Variants in USP10 observed in about 807,000 individuals in gnomAD.
The protein encoded by USP10 is ubiquitin carboxyl-terminal hydrolase 10.
A neutral mutation model predicts 84.5 loss-of-function variants in USP10; 22 were observed. The observed-to-expected ratio is 0.26, with a 90% confidence interval of 0.19 to 0.37. The LOEUF is 0.37. Ranked by LOEUF, USP10 falls within the 10% of genes least tolerant of loss-of-function variation. USP10 has a pLI of 1.00. For synonymous variants in USP10, 454 were observed against 387.6 expected, an observed-to-expected ratio of 1.17 and a Z score of -2.01; for missense variants, 1,019 against 998.9, an observed-to-expected ratio of 1.02 and a Z score of -0.27.
intron 13 of USP10, 92 bp from the exon 14 acceptor site, chr16:84,778,803 A>G: frequency 7.9e-7 from 1 of 1,266,782 alleles, no homozygotes; most frequent in Non-Finnish European, 1.1e-6. Context: ...TTTTACACAT[A>G]GGATGCATCC....
Position 84,778,830 on chromosome 16 carries a change from G to A in USP10, c.2210-65G>A, listed in dbSNP as rs548320909. 9.9e-5 allele frequency: 148 copies of A among 1,491,566 alleles called. 1 individual carries two copies. The South Asian group carries it at 1.4e-3, about 14-fold the overall frequency. The allele number at this position is 1,491,566 out of a possible 1,614,324, so 92.4% of individuals were successfully genotyped here. On this transcript the variant is annotated intron_variant, in intron 13 of 13. Transcript: ENST00000219473. ...GATGCATCCCTGGAGGGAAGTCGGCGGAGACCTGTAATGATTCGTGTGCAG... is the reference window on the plus strand; with the variant it reads ...GATGCATCCCTGGAGGGAAGTCGGCAGAGACCTGTAATGATTCGTGTGCAG...
intron 3 of USP10, among the ~76,000 whole-genome samples, chr16:84,741,216 C>T (rs768071505): frequency 7.2e-5 from 11 of 152,220 alleles, no homozygotes; most frequent in Admixed American, 2.0e-4. Flanking sequence ...TCTCCAGTAA[C>T]ATCAGGGAGT....
chr16:84,706,299 C>T (rs998845791), intron 1 of USP10, among the ~76,000 whole-genome samples: 2 of 151,924 alleles, frequency 1.3e-5, no homozygotes, highest in Non-Finnish European at 2.9e-5. Flanking sequence ...TTTCGAGATT[C>T]CTGCCCAATA....
At chr16:84,747,590 T>C (rs1911389018) in intron 4 of USP10, among the ~76,000 whole-genome samples, 1 of 121,572 alleles carries the variant, frequency 8.2e-6, no homozygotes, top group African/African-American at 3.0e-5. Context: ...TGAGATGCAG[T>C]CTCACTCTGT....
At chr16:84,776,028 T>C (rs1914976019) in intron 13 of USP10, among the ~76,000 whole-genome samples, 1 of 152,204 alleles carries the variant, frequency 6.6e-6, no homozygotes, top group South Asian at 2.1e-4. Context: ...AACCTGTTTG[T>C]ATCGTAACAT....
rs774556143 is a variant in USP10 at position 84,758,839 on chromosome 16, G to C, written c.1284+32G>C. 1.2e-5 allele frequency: 18 copies of C among 1,486,370 alleles called. No individual in the cohort carries two copies. The East Asian group carries it at 2.3e-4, about 19-fold the overall frequency. 92.1% of individuals were successfully genotyped at this position (1,486,370 alleles called of 1,614,324 possible). On this transcript the variant is annotated intron_variant, in intron 5 of 13. Transcript: ENST00000219473. ...TTCCTGGACGCCGTCCGCAAGGCCA[G>C]CTTGTTGCAGCTGTCCCTCCTTTGG...
intron 12 of USP10, among the ~76,000 whole-genome samples, chr16:84,774,618 G>C (rs545105169): frequency 7.8e-4 from 118 of 152,042 alleles, no homozygotes; most frequent in African/African-American, 2.7e-3. Context: ...CTACAGCCGC[G>C]TGCCACCACG....
chr16:84,742,307 T>C (rs942700647), intron 3 of USP10, among the ~76,000 whole-genome samples: 1 of 152,222 alleles, frequency 6.6e-6, no homozygotes, highest in Non-Finnish European at 1.5e-5. Context: ...TAGTTTCTGA[T>C]AGAAGTTGAT....
At position 84,763,098 on chromosome 16, in the gene USP10, G is replaced by A. The variant is rs1913398156; in HGVS notation, c.1654+10G>A. On this transcript the variant is annotated intron_variant, in intron 9 of 13. Coordinates refer to ENST00000219473, the MANE Select transcript of USP10 (RefSeq NM_005153.3). ...TCACCAAGTAATGAAAGTAGGTTATGGTCCACTTGCCGCAGAGTTGTGCAA... is the reference window on the plus strand; with the variant it reads ...TCACCAAGTAATGAAAGTAGGTTATAGTCCACTTGCCGCAGAGTTGTGCAA... 2 of 1,586,378 alleles carry A rather than the reference G, an allele frequency of 1.3e-6. No homozygotes were observed. The highest frequency in any genetic ancestry group is 1.7e-6 in the Non-Finnish European group (2 of 1,156,102).
intron 10 of USP10, among the ~76,000 whole-genome samples, chr16:84,767,117 G>A (rs77666703): frequency 0.012 from 1,837 of 152,126 alleles, 31 homozygotes; most frequent in African/African-American, 0.041. Flanking sequence ...ATGGAGATGC[G>A]TAATTAAACC....
intron 10 of USP10, among the ~76,000 whole-genome samples, chr16:84,764,939 A>AAAAAAAATATATAT (rs370383030): frequency 6.7e-4 from 89 of 132,260 alleles, no homozygotes; most frequent in Middle Eastern, 8.8e-3. Flanking sequence ...GAGAAAAAAA[A>AAAAAAAATATATAT]ATATATATAT....
chr16:84,745,865 C>T (rs573843199), intron 4 of USP10, among the ~76,000 whole-genome samples, 192 bp downstream of exon 4: 13 of 152,224 alleles, frequency 8.5e-5, no homozygotes, highest in African/African-American at 2.6e-4. Flanking sequence ...AGAGGGTTGT[C>T]GTAACTTTAT....
chr16:84,771,588 G>T (rs1278887718), intron 11 of USP10, among the ~76,000 whole-genome samples: 2 of 152,146 alleles, frequency 1.3e-5, no homozygotes, highest in Non-Finnish European at 2.9e-5. Context: ...TCAATACTAG[G>T]CCTAGCGTGG....
chr16:84,702,772 CACTTG>C (rs987296643), intron 1 of USP10, among the ~76,000 whole-genome samples: 2 of 152,022 alleles, frequency 1.3e-5, no homozygotes, highest in African/African-American at 4.8e-5. Context: ...GTGGGTGGAT[CACTTG>C]AGGTCAGGGG....
At position 84,745,368 on chromosome 16, in the gene USP10, G is replaced by A. The variant is rs576747065; in HGVS notation, c.887G>A (p.Gly296Asp). 1.2e-6 allele frequency: 2 copies of A among 1,613,142 alleles called. No individual in the cohort carries two copies. Among genetic ancestry groups the A allele is most frequent in the African/African-American group, 1.3e-5 (1 of 74,916 alleles). Reference sequence around the variant, plus strand: ...CAAATACTTGAATCCTCGGGTGAGGGCACAGCTACCAACGGGGTGGAGTTG... The same window carrying A: ...CAAATACTTGAATCCTCGGGTGAGGACACAGCTACCAACGGGGTGGAGTTG... ...NGQILESSGEGTATNGVELHT... is the reference protein window; with the variant it reads ...NGQILESSGEDTATNGVELHT... Residue 296 changes from glycine (G) to aspartate (D), a missense_variant, in exon 4 of 14, where the codon GGC becomes GAC. Physicochemically the swap from Gly to Asp is moderately conservative, Grantham distance 94. Around this residue, in one of 2 missense-constraint regions of USP10, gnomAD observed 787 missense variants for 708.8 expected, o/e 1.11. Transcript: ENST00000219473.
At chr16:84,732,714 C>G in intron 1 of USP10, 1 of 300,288 alleles carries the variant, frequency 3.3e-6, no homozygotes, top group Non-Finnish European at 6.5e-6. Context: ...TCCCAGAGTG[C>G]TGGGATTATA....
intron 1 of USP10, among the ~76,000 whole-genome samples, chr16:84,705,585 C>A (rs982145592): frequency 6.6e-6 from 1 of 151,430 alleles, no homozygotes; most frequent in Non-Finnish European, 1.5e-5. Flanking sequence ...TCCCTCCGTC[C>A]CTTTCCCTCT....
chr16:84,721,849 C>A (rs35269236), intron 1 of USP10, among the ~76,000 whole-genome samples: 1 of 152,160 alleles, frequency 6.6e-6, no homozygotes, highest in Non-Finnish European at 1.5e-5. Context: ...AGGCACACGC[C>A]GCCACACCTG....
chr16:84,726,702 G>A (rs1352774623), intron 1 of USP10, among the ~76,000 whole-genome samples: 1 of 152,250 alleles, frequency 6.6e-6, no homozygotes, highest in Non-Finnish European at 1.5e-5. Context: ...CCGGGATGGA[G>A]GCCGGATGGG....
Sources: allele counts gnomAD v4.1 joint callset (sites outside exome capture counted in the v4.1 genomes callset), GRCh38; gene constraint gnomAD v4.1.1; regional missense constraint gnomAD v4.1.1; transcripts MANE v1.5; gene names NCBI Gene and HGNC (gene_info 2026-07-23, HGNC 2026-07-21).